Variants in KIF11 observed in about 807,000 individuals in gnomAD.
The protein encoded by KIF11 is kinesin family member 11.
A neutral mutation model predicts 121.0 loss-of-function variants in KIF11; 9 were observed. The observed-to-expected ratio is 0.07, with a 90% CI of 0.04 to 0.13. KIF11 has a LOEUF of 0.13. Ranked by LOEUF, KIF11 falls within the 10% of genes least tolerant of loss-of-function variation. The probability of loss-of-function intolerance (pLI) is 1.00; values close to 1 mark genes in which losing one functional copy is unlikely to be tolerated. For synonymous variants in KIF11, 408 were observed against 421.0 expected, an observed-to-expected ratio of 0.97 and a Z score of 0.38; for missense variants, 846 against 1,217.5, an observed-to-expected ratio of 0.69 and a Z score of 4.54.
chr10:92,645,343 G>C lies in KIF11; in HGVS notation c.2268-20G>C. 6.4e-7 allele frequency: 1 copy of C among 1,569,114 alleles called. No individual in the cohort carries two copies. Among genetic ancestry groups the C allele is most frequent in the Non-Finnish European group, 8.7e-7 (1 of 1,149,980 alleles). ...AGTCTTAATTCCCCATTTCAACAGT[G>C]TCATTCTCTTTTCCTATAGGAAATC... On this transcript the variant is annotated intron_variant, in intron 17 of 21. Transcript: ENST00000260731.
At position 92,609,412 on chromosome 10, in the gene KIF11, G is replaced by A. The variant is rs1844471277; in HGVS notation, c.601G>A (p.Glu201Lys). The change falls in exon 6 of 22, where the codon GAA becomes AAA. Residue 201 changes from glutamate (E) to lysine (K), a missense_variant. Physicochemically the swap from Glu to Lys is moderately conservative, Grantham distance 56 (BLOSUM62 1). Coordinates refer to ENST00000260731, the MANE Select transcript of KIF11 (RefSeq NM_004523.4). Reference sequence around the variant, plus strand: ...AGGAGTGATAATTAAAGGTTTAGAAGAAATTACAGTACACAACAAGGATGA... The same window carrying A: ...AGGAGTGATAATTAAAGGTTTAGAAAAAATTACAGTACACAACAAGGATGA... ...KRGVIIKGLE[E>K]ITVHNKDEVY... 1 of 1,611,004 alleles carries A rather than the reference G, an allele frequency of 6.2e-7. No individual in the cohort carries two copies. The highest frequency in any genetic ancestry group is 8.5e-7 in the Non-Finnish European group (1 of 1,178,640).
intron 14 of KIF11, among the ~76,000 whole-genome samples, chr10:92,636,098 C>T (rs998688746): frequency 1.3e-5 from 2 of 152,116 alleles, no homozygotes; most frequent in African/African-American, 4.8e-5. Flanking sequence ...TCTTCTGATA[C>T]AATAGGATGT....
At chr10:92,594,135 G>A (rs1041926481) in intron 1 of KIF11, among the ~76,000 whole-genome samples, 1 of 152,168 alleles carries the variant, frequency 6.6e-6, no homozygotes, top group East Asian at 1.9e-4. Flanking sequence ...AGTTAGAATT[G>A]ATTTATTCAA....
At chr10:92,652,468 T>G (rs905242806) in intron 21 of KIF11, among the ~76,000 whole-genome samples, 1 of 152,118 alleles carries the variant, frequency 6.6e-6, no homozygotes, top group African/African-American at 2.4e-5. Context: ...GATCTACAGC[T>G]CCTTCCCTTA....
Position 92,632,600 on chromosome 10 carries a change from A to C in KIF11, c.1609A>C (p.Asn537His). 2.5e-6 allele frequency: 4 copies of C among 1,613,964 alleles called. No homozygotes were observed. In the South Asian group the frequency reaches 4.4e-5, roughly 18 times the overall value. The change falls in exon 13 of 22, where the codon AAC (asparagine) becomes CAC (histidine). Residue 537 changes from asparagine (N) to histidine (H), a missense_variant. Physicochemically the swap from Asn to His is moderately conservative, Grantham distance 68. This residue lies in a region of KIF11 where 492 missense variants were observed against 603.4 expected (regional missense o/e 0.82). Coordinates refer to ENST00000260731, the MANE Select transcript of KIF11 (RefSeq NM_004523.4). Reference sequence around the variant, plus strand: ...AGAAGCTCAGGATATTTTTGGCAAAAACCTGAATAGTCTGTTTAATAATAT... The same window carrying C: ...AGAAGCTCAGGATATTTTTGGCAAACACCTGAATAGTCTGTTTAATAATAT... The part of the protein sequence containing the change: ...NAEAQDIFGK[N>H]LNSLFNNMEE...
chr10:92,613,997 TA>T lies in KIF11; in HGVS notation c.1032+387del, dbSNP rs1194785968. On this transcript the variant is annotated intron_variant, in intron 8 of 21. Coordinates refer to ENST00000260731, the MANE Select transcript of KIF11 (RefSeq NM_004523.4). This position sits in a 1 kb window ranked among gnomAD's most constrained non-coding sequence, Gnocchi z 4.2. The stretch of plus-strand genomic sequence containing the variant: ...TCTCAAAAAAAAAAAAGTATGTGTA[TA>T]AAAAAAAAGAAAAGTATGTGTATAC... Among the ~76,000 whole-genome samples, 1 of 117,914 alleles carries T rather than the reference TA, an allele frequency of 8.5e-6. No individual in the cohort carries two copies. The highest frequency in any genetic ancestry group is 8.8e-5 in the Admixed American group (1 of 11,392). The allele number at this position is 117,914 out of a possible 152,430, so 77.4% of individuals were successfully genotyped here. A position where few individuals can be genotyped will look rare whatever the true frequency, so the allele number is the denominator to read the frequency against.
intron 1 of KIF11, among the ~76,000 whole-genome samples, chr10:92,595,234 A>G (rs1160380546): frequency 1.3e-5 from 2 of 152,048 alleles, no homozygotes; most frequent in Non-Finnish European, 2.9e-5. Flanking sequence ...TAATTTTTGT[A>G]TTTTTAGTAG....
chr10:92,602,821 CACACGTGTGTGT>C (rs1012028325), intron 1 of KIF11, among the ~76,000 whole-genome samples: 5 of 106,578 alleles, frequency 4.7e-5, no homozygotes, highest in South Asian at 3.2e-4. Context: ...CACACACACA[CACACGTGTGTGT>C]GTGTGTGTGT....
chr10:92,602,232 C>T (rs1308409871), intron 1 of KIF11, among the ~76,000 whole-genome samples: 1 of 151,988 alleles, frequency 6.6e-6, no homozygotes, highest in Non-Finnish European at 1.5e-5. Flanking sequence ...TTGTAGTTGC[C>T]TTTGTCTGGC....
intron 1 of KIF11, among the ~76,000 whole-genome samples, chr10:92,601,162 A>G (rs1589587358): frequency 7.1e-6 from 1 of 140,418 alleles, no homozygotes; most frequent in Admixed American, 7.3e-5. Flanking sequence ...TTGGCCCTCA[A>G]CCTTTTCCTT....
intron 21 of KIF11, among the ~76,000 whole-genome samples, chr10:92,652,476 T>C (rs1301219768): frequency 6.6e-6 from 1 of 152,130 alleles, no homozygotes. Context: ...GCTCCTTCCC[T>C]TAAGGTCTAA....
chr10:92,597,020 G>T, intron 1 of KIF11: 1 of 396,342 alleles, frequency 2.5e-6, no homozygotes. Context: ...CCAAATCTGT[G>T]TGTTCCTGGA....
At chr10:92,632,448 G>C (rs377697222) in intron 12 of KIF11, 38 bp from the exon 13 acceptor site, 4 of 1,249,010 alleles carry the variant, frequency 3.2e-6, no homozygotes, top group Non-Finnish European at 4.7e-6. Context: ...TCCTTTCACC[G>C]TATCCATTTT....
intron 1 of KIF11, among the ~76,000 whole-genome samples, chr10:92,601,431 G>T (rs535972355): frequency 2.0e-5 from 3 of 150,814 alleles, no homozygotes; most frequent in Non-Finnish European, 4.4e-5. Context: ...GGCTGGTCTC[G>T]ATCTCCTGAC....
intron 1 of KIF11, among the ~76,000 whole-genome samples, chr10:92,599,716 G>A (rs1342400221): frequency 3.4e-5 from 5 of 145,642 alleles, no homozygotes; most frequent in East Asian, 2.1e-4. Flanking sequence ...GCAGTGGCGC[G>A]ATCTCGGCTC....
intron 1 of KIF11, among the ~76,000 whole-genome samples, chr10:92,604,098 T>G (rs1050147608): frequency 3.3e-5 from 5 of 152,150 alleles, no homozygotes; most frequent in Non-Finnish European, 7.4e-5. Flanking sequence ...ATAACTATGG[T>G]GAAGCCAACA....
intron 8 of KIF11, among the ~76,000 whole-genome samples, chr10:92,614,837 A>T (rs927087079): frequency 6.6e-6 from 1 of 152,208 alleles, no homozygotes; most frequent in Non-Finnish European, 1.5e-5. Context: ...AGGCCGCAGT[A>T]CAGTAGCATG....
intron 14 of KIF11, among the ~76,000 whole-genome samples, chr10:92,635,976 T>A (rs1242618301): frequency 6.6e-6 from 1 of 151,620 alleles, no homozygotes; most frequent in Non-Finnish European, 1.5e-5. Flanking sequence ...CTCAGCCCTA[T>A]CCTACCAAAA....
intron 17 of KIF11, among the ~76,000 whole-genome samples, chr10:92,641,560 C>G (rs186064613): frequency 5.9e-5 from 9 of 152,342 alleles, no homozygotes; most frequent in South Asian, 2.1e-4. Context: ...TATAGGCAGT[C>G]TCCCTATAGC....
Sources: gnomAD v4.1 joint callset for allele counts (sites outside exome capture counted in the v4.1 genomes callset) on GRCh38, gnomAD v4.1.1 for gene constraint, gnomAD v4.1.1 regional missense constraint, Gnocchi (gnomAD v3.1) non-coding constraint, MANE v1.5 for transcripts, NCBI Gene and HGNC (gene_info 2026-07-23, HGNC 2026-07-21) for gene names.